Variants in KCNE1 observed in about 807,000 individuals in gnomAD.
KCNE1 encodes the protein potassium voltage-gated channel subfamily E member 1.
In KCNE1, 1 loss-of-function variant was observed where a neutral mutation model predicts 2.9. The ratio of observed to expected loss-of-function variants is 0.34; its 90% CI spans 0.12 to 1.62. KCNE1 has a LOEUF of 1.62. KCNE1 is among the 40% of genes most tolerant of loss of function. KCNE1 has a pLI of 0.36. For missense variants in KCNE1, 45 were observed against 150.5 expected (o/e 0.30, Z 3.67); for synonymous variants, 23 against 65.4 (o/e 0.35, Z 3.13).
chr21:34,507,299 G>A (rs1301831002), intron 2 of KCNE1, among the ~76,000 whole-genome samples: 31 of 152,194 alleles, frequency 2.0e-4, no homozygotes, highest in Admixed American at 2.0e-3. Flanking sequence ...GTCGGGTACA[G>A]GGAGACAGGA....
intron 2 of KCNE1, among the ~76,000 whole-genome samples, chr21:34,507,415 C>T (rs1983564382): frequency 6.6e-6 from 1 of 152,120 alleles, no homozygotes; most frequent in Admixed American, 6.5e-5. Context: ...TCTGAAGTTC[C>T]TAAGAGACAA....
chr21:34,495,950 G>A (rs1378202485), intron 2 of KCNE1, among the ~76,000 whole-genome samples: 2 of 151,962 alleles, frequency 1.3e-5, no homozygotes, highest in Admixed American at 6.6e-5. Flanking sequence ...TGTTTCTCTA[G>A]TTCCTTGAGG....
At chr21:34,505,498 G>A (rs776354185) in intron 2 of KCNE1, among the ~76,000 whole-genome samples, 33 of 151,950 alleles carry the variant, frequency 2.2e-4, no homozygotes, top group Non-Finnish European at 3.7e-4. Context: ...CCTGGGAGGC[G>A]TGGACCAAAA....
intron 2 of KCNE1, among the ~76,000 whole-genome samples, chr21:34,499,084 G>A (rs977970177): frequency 6.6e-6 from 1 of 152,186 alleles, no homozygotes; most frequent in African/African-American, 2.4e-5. Context: ...CCACTGTCGG[G>A]GGTGAGAATG....
intron 2 of KCNE1, among the ~76,000 whole-genome samples, chr21:34,499,210 G>A (rs1358026411): frequency 6.6e-6 from 1 of 152,202 alleles, no homozygotes; most frequent in Non-Finnish European, 1.5e-5. Flanking sequence ...CTCCCACACA[G>A]TTGGTGGGGC....
At chr21:34,501,677 C>T (rs980900736) in intron 2 of KCNE1, among the ~76,000 whole-genome samples, 1 of 152,116 alleles carries the variant, frequency 6.6e-6, no homozygotes, top group African/African-American at 2.4e-5. Context: ...ACCAGCAGAA[C>T]CTGAGGGTGT....
chr21:34,508,434 C>T (rs1367731566), intron 2 of KCNE1, among the ~76,000 whole-genome samples: 1 of 152,160 alleles, frequency 6.6e-6, no homozygotes, highest in Non-Finnish European at 1.5e-5. Context: ...ACTCCACCTC[C>T]TGGATTCAAG....
intron 2 of KCNE1, among the ~76,000 whole-genome samples, chr21:34,496,856 T>C (rs1424276252): frequency 3.9e-5 from 6 of 152,222 alleles, no homozygotes; most frequent in Non-Finnish European, 8.8e-5. Flanking sequence ...GTTGGGTGCA[T>C]ATATATTTAG....
intron 2 of KCNE1, among the ~76,000 whole-genome samples, chr21:34,504,642 C>A (rs1343870894): frequency 1.3e-5 from 2 of 152,260 alleles, no homozygotes; most frequent in East Asian, 3.9e-4. Flanking sequence ...TTCATAGTAG[C>A]CAAAACCCAA....
At chr21:34,507,982 T>A (rs1983602442) in intron 2 of KCNE1, among the ~76,000 whole-genome samples, 1 of 152,204 alleles carries the variant, frequency 6.6e-6, no homozygotes, top group South Asian at 2.1e-4. Flanking sequence ...TATGAGGTGA[T>A]TGCTCTTGAA....
At chr21:34,503,712 G>A (rs1474284282) in intron 2 of KCNE1, among the ~76,000 whole-genome samples, 2 of 152,202 alleles carry the variant, frequency 1.3e-5, no homozygotes, top group African/African-American at 2.4e-5. Context: ...GACCAAATAT[G>A]TATTTCACAA....
chr21:34,496,159 C>T lies in KCNE1; in HGVS notation c.-162+14942G>A, dbSNP rs1264220137. The stretch of plus-strand genomic sequence containing the variant: ...GCTCATCTCGGCTCAGTGCAAGCTC[C>T]GCCTCCCAGGTTCACACCATTCTCC... On this transcript the variant is annotated intron_variant, in intron 2 of 3. Transcript: ENST00000399286. 3.9e-5 allele frequency among the ~76,000 whole-genome samples: 6 copies of T among 152,136 alleles called. No individual in the cohort carries two copies. The East Asian group carries it at 5.8e-4, about 15-fold the overall frequency.
At chr21:34,497,662 A>G (rs930245047) in intron 2 of KCNE1, among the ~76,000 whole-genome samples, 5 of 152,166 alleles carry the variant, frequency 3.3e-5, no homozygotes, top group Non-Finnish European at 5.9e-5. Context: ...ACATGCCTAG[A>G]TGATGATCTA....
chr21:34,507,549 C>T (rs1008492760), intron 2 of KCNE1, among the ~76,000 whole-genome samples: 8 of 152,156 alleles, frequency 5.3e-5, no homozygotes, highest in Admixed American at 1.3e-4. Flanking sequence ...CACAAACCTG[C>T]GAGTCAGCCT....
intron 2 of KCNE1, among the ~76,000 whole-genome samples, chr21:34,495,825 T>C (rs543304251): frequency 6.2e-4 from 95 of 152,156 alleles, no homozygotes; most frequent in Admixed American, 3.9e-3. Context: ...TTTCAAAGAA[T>C]CATCTTTTTT....
intron 2 of KCNE1, among the ~76,000 whole-genome samples, chr21:34,504,464 G>A (rs981630772): frequency 6.6e-6 from 1 of 152,210 alleles, no homozygotes; most frequent in African/African-American, 2.4e-5. Flanking sequence ...CTCCTACGCT[G>A]CTGGTGGCAA....
rs376688699 is a variant in KCNE1 at position 34,511,137 on chromosome 21, G to A, written c.-198C>T. 92 of 985,584 alleles carry A rather than the reference G, an allele frequency of 9.3e-5. No individual in the cohort carries two copies. In the East Asian group the frequency reaches 5.2e-3, roughly 56 times the overall value. 61.1% of individuals were successfully genotyped at this position (985,584 alleles called of 1,614,324 possible). ...TCTGAAGTCTCCTCAAGCACACTGC[G>A]GTGTCCACACCATTGGCAGCAGGCT... On this transcript the variant is annotated 5_prime_UTR_variant, in exon 2 of 4. Transcript: ENST00000399286.
chr21:34,507,047 G>C (rs757988887), intron 2 of KCNE1, among the ~76,000 whole-genome samples: 4 of 152,300 alleles, frequency 2.6e-5, no homozygotes, highest in African/African-American at 9.6e-5. Flanking sequence ...AATTTCCAGG[G>C]TACATGGATG....
intron 2 of KCNE1, among the ~76,000 whole-genome samples, chr21:34,497,638 A>G (rs1982894639): frequency 1.3e-5 from 2 of 152,138 alleles, no homozygotes; most frequent in African/African-American, 4.8e-5. Context: ...TTGACTTTAG[A>G]TAATCTGATG....
Sources: gnomAD v4.1 joint callset for allele counts (sites outside exome capture counted in the v4.1 genomes callset) on GRCh38, gnomAD v4.1.1 for gene constraint, MANE v1.5 for transcripts, NCBI Gene and HGNC (gene_info 2026-07-23, HGNC 2026-07-21) for gene names.